NMUR1: variants seen among roughly 807,000 people sequenced by gnomAD.
The protein encoded by NMUR1 is neuromedin U receptor 1.
Under a neutral mutation model 18.8 loss-of-function variants are expected in NMUR1, and 16 were observed. That is an observed-to-expected ratio of 0.85 (90% confidence interval 0.58 to 1.29). The LOEUF is 1.29. Among genes scored for constraint, NMUR1 ranks in the 50% most tolerant of loss-of-function variants. The probability of loss-of-function intolerance (pLI) is 0.00; values close to 1 mark genes in which losing one functional copy is unlikely to be tolerated. For missense variants in NMUR1, 529 were observed against 580.3 expected, an observed-to-expected ratio of 0.91 and a Z score of 0.91; for synonymous variants, 258 against 258.2, an observed-to-expected ratio of 1.00 and a Z score of 0.01.
chr2:231,524,689 A>T lies in NMUR1; in HGVS notation c.*354T>A. The T allele has an allele frequency of 4.2e-6, 1 of 235,498 alleles. No homozygotes were observed. The highest frequency in any genetic ancestry group is 8.6e-5 in the East Asian group (1 of 11,678). 14.6% of individuals were successfully genotyped at this position (235,498 alleles called of 1,614,324 possible). ...TGAACAGGAACTGGGAAGGACAGTG[A>T]GGACCCAGTGGGACCGTTTCAGAAA... On this transcript the variant is annotated 3_prime_UTR_variant, in exon 3 of 3. Transcript: ENST00000305141.
chr2:231,528,823 T>C lies in NMUR1; in HGVS notation c.198A>G (p.Thr66=), dbSNP rs940614045. 2 of 1,614,216 alleles carry C rather than the reference T, an allele frequency of 1.2e-6. No individual in the cohort carries two copies. Among genetic ancestry groups the C allele is most frequent in the Non-Finnish European group, 1.7e-6 (2 of 1,180,038 alleles). ...QTELFMPICA[T]YLLIFVVGAV... is the part of the protein sequence containing the mutation. Reference sequence around the variant, plus strand: ...CGCCCACCACGAAGATCAGCAGGTATGTGGCACAGATGGGCATGAACAGCT... The same window carrying C: ...CGCCCACCACGAAGATCAGCAGGTACGTGGCACAGATGGGCATGAACAGCT... Residue 66 remains threonine (T), a synonymous_variant, in exon 2 of 3, where the codon ACA becomes ACG. Coordinates refer to ENST00000305141, the MANE Select transcript of NMUR1 (RefSeq NM_006056.5).
rs1256035440 is a variant in NMUR1 at position 231,528,813 on chromosome 2, T to A, written c.208A>T (p.Ile70Phe). The A allele has an allele frequency of 1.9e-6, 3 of 1,614,164 alleles. No individual in the cohort carries two copies. In the South Asian group the frequency reaches 3.3e-5, roughly 18 times the overall value. ...TTGCCCACAGCGCCCACCACGAAGA[T>A]CAGCAGGTATGTGGCACAGATGGGC... ...FMPICATYLL[I>F]FVVGAVGNGL... Residue 70 changes from isoleucine to phenylalanine, a missense_variant, in exon 2 of 3, where the codon ATC (isoleucine) becomes TTC (phenylalanine). By Grantham distance (21) the Ile-to-Phe change is conservative. Transcript: ENST00000305141.
At chr2:231,519,215 A>G (rs1258020021), downstream of NMUR1, among the ~76,000 whole-genome samples, 1 of 152,198 alleles carries the variant, frequency 6.6e-6, no homozygotes, top group African/African-American at 2.4e-5. Context: ...TGGATGTTCC[A>G]TAGGATGTGG....
intron 2 of NMUR1, among the ~76,000 whole-genome samples, chr2:231,525,890 T>C (rs980730090): frequency 2.6e-5 from 4 of 151,758 alleles, no homozygotes; most frequent in African/African-American, 9.7e-5. Flanking sequence ...AGACCGGAGG[T>C]CATGGGGCCA....
chr2:231,519,516 A>T (rs1250840476), downstream of NMUR1, among the ~76,000 whole-genome samples: 1 of 152,218 alleles, frequency 6.6e-6, no homozygotes, highest in Non-Finnish European at 1.5e-5. Context: ...ATTTGGAACG[A>T]TGTTGCAGAC....
In NMUR1 at chr2:231,528,414, G is replaced by A. The variant is rs766623480; in HGVS notation, c.607C>T (p.Arg203Trp). 1.1e-5 allele frequency: 18 copies of A among 1,613,558 alleles called. No individual in the cohort carries two copies. In the Admixed American group the frequency reaches 1.3e-4, roughly 12 times the overall value. ...SLPNTSLHGI[R>W]QLHVPCRGPV... ...CCCCGGCAGGGCACGTGCAGCTGCCGGATGCCGTGCAGGCTGGTGTTGGGC... is the reference window on the plus strand; with the variant it reads ...CCCCGGCAGGGCACGTGCAGCTGCCAGATGCCGTGCAGGCTGGTGTTGGGC... The change falls in exon 2 of 3, where the codon CGG (arginine) becomes TGG (tryptophan). Residue 203 changes from arginine (R) to tryptophan (W), a missense_variant. Coordinates refer to ENST00000305141, the MANE Select transcript of NMUR1 (RefSeq NM_006056.5).
rs146805243 is a variant in NMUR1, at chr2:231,528,703, G to A, written c.318C>T (p.Asp106=). The A allele has an allele frequency of 2.1e-4, 342 of 1,614,262 alleles. 3 individuals are homozygous for A. The African/African-American group carries it at 4.0e-3, about 19-fold the overall frequency. Residue 106 remains aspartate, a synonymous_variant, in exon 2 of 3, where the codon GAC becomes GAT. Transcript: ENST00000305141. The part of the protein sequence containing the change: ...NYYLFSLAVS[D]LLVLLVGLPL... ...GCAGGCCCACCAGCAGCACCAGCAG[G>A]TCCGACACGGCCAGGCTGAAGAGGT...
downstream of NMUR1, among the ~76,000 whole-genome samples, chr2:231,522,818 C>T (rs1014842087): frequency 6.6e-6 from 1 of 152,206 alleles, no homozygotes; most frequent in Non-Finnish European, 1.5e-5. Flanking sequence ...CCCCACTCCC[C>T]ACCCCCAGCC....
downstream of NMUR1, among the ~76,000 whole-genome samples, chr2:231,520,293 G>T (rs2047294256): frequency 6.6e-6 from 1 of 152,192 alleles, no homozygotes; most frequent in South Asian, 2.1e-4. Context: ...CTGAGAAAAA[G>T]GGCGGAACCC....
chr2:231,526,614 C>T (rs1432025289), intron 2 of NMUR1, among the ~76,000 whole-genome samples: 1 of 152,206 alleles, frequency 6.6e-6, no homozygotes, highest in Non-Finnish European at 1.5e-5. Flanking sequence ...GGGTCAGCCT[C>T]GTTTCAGGAG....
At position 231,525,421 on chromosome 2, in the gene NMUR1, G is replaced by A. The variant is rs138820733; in HGVS notation, c.903C>T (p.Val301=). 10 of 1,608,290 alleles carry A rather than the reference G, an allele frequency of 6.2e-6. No homozygotes were observed. The African/African-American group carries it at 1.2e-4, about 19-fold the overall frequency. The part of the protein sequence containing the change: ...GRRQVTKMLF[V]LVVVFGICWA... ...AGCAGATGCCAAACACCACGACCAG[G>A]ACAACTGCAGGGACAGAGAAGGGAG... Residue 301 remains valine (V), a synonymous_variant, in exon 3 of 3, where the codon GTC becomes GTT. Coordinates refer to ENST00000305141, the MANE Select transcript of NMUR1 (RefSeq NM_006056.5).
chr2:231,525,016 C>G lies in NMUR1; in HGVS notation c.*27G>C. The G allele has an allele frequency of 6.6e-7, 1 of 1,523,988 alleles. No individual in the cohort carries two copies. The highest frequency in any genetic ancestry group is 2.3e-5 in the East Asian group (1 of 44,204). The allele number at this position is 1,523,988 out of a possible 1,614,324, so 94.4% of individuals were successfully genotyped here. On this transcript the variant is annotated 3_prime_UTR_variant, in exon 3 of 3. Coordinates refer to ENST00000305141, the MANE Select transcript of NMUR1 (RefSeq NM_006056.5). ...AGCTCCAGGTGACCCTCTGGCCCCT[C>G]CAGGTGAAGCCACTTTAAGGCTCCA...
chr2:231,524,082 T>A lies in NMUR1; in HGVS notation c.*961A>T, dbSNP rs2047330112. On this transcript the variant is annotated 3_prime_UTR_variant, in exon 3 of 3. Coordinates refer to ENST00000305141, the MANE Select transcript of NMUR1 (RefSeq NM_006056.5). Reference sequence around the variant, plus strand: ...GTCAGGGAGGAAGTGGGGCTTGGGGTTGATAAAGATGCAGATAATAACTTC... The same window carrying A: ...GTCAGGGAGGAAGTGGGGCTTGGGGATGATAAAGATGCAGATAATAACTTC... 2 of 152,120 alleles carry A rather than the reference T, an allele frequency of 1.3e-5. No homozygotes were observed. Among genetic ancestry groups the A allele is most frequent in the African/African-American group, 4.8e-5 (2 of 41,368 alleles). 9.4% of individuals were successfully genotyped at this position (152,120 alleles called of 1,614,324 possible). A position where few individuals can be genotyped will look rare whatever the true frequency, so the allele number is the denominator to read the frequency against.
At chr2:231,521,973 C>CTCTCT (rs71396675), downstream of NMUR1, among the ~76,000 whole-genome samples, 189 of 83,874 alleles carry the variant, frequency 2.3e-3, no homozygotes, top group African/African-American at 4.3e-3. Context: ...TTTTTTTTCT[C>CTCTCT]TTTTTTTTTT....
At chr2:231,525,722 C>T (rs1186586770) in intron 2 of NMUR1, among the ~76,000 whole-genome samples, 1 of 152,226 alleles carries the variant, frequency 6.6e-6, no homozygotes, top group Non-Finnish European at 1.5e-5. Context: ...TTCTCTCACC[C>T]TGGAATATGA....
In NMUR1 at chr2:231,528,150, C is replaced by G; in HGVS notation, c.871G>C (p.Gly291Arg). 1 of 1,560,480 alleles carries G rather than the reference C, an allele frequency of 6.4e-7. No individual in the cohort carries two copies. The change falls in exon 2 of 3, where the codon GGC becomes CGC. Residue 291 changes from glycine to arginine, a missense_variant. Physicochemically the swap from Gly to Arg is moderately radical, Grantham distance 125. Transcript: ENST00000305141. ...AGCATCTTGGTCACTTGTCTCCGGC[C>G]CCGATCGTGCTGCTGGAGCCTGCAG... ...YTCRLQQHDR[G>R]RRQVTKMLFV...
In NMUR1 at chr2:231,524,156, T is replaced by A. The variant is rs1178733390; in HGVS notation, c.*887A>T. 6.6e-6 allele frequency: 1 copy of A among 152,170 alleles called. No individual in the cohort carries two copies. Among genetic ancestry groups the A allele is most frequent in the Non-Finnish European group, 1.5e-5 (1 of 68,048 alleles). 9.4% of individuals were successfully genotyped at this position (152,170 alleles called of 1,614,324 possible). Reference sequence around the variant, plus strand: ...GTTGGTTTTATTATAAGCAGTGGCTTACACACACACAGAAAGAAAACCATA... The same window carrying A: ...GTTGGTTTTATTATAAGCAGTGGCTAACACACACACAGAAAGAAAACCATA... On this transcript the variant is annotated 3_prime_UTR_variant, in exon 3 of 3. Transcript: ENST00000305141.
At chr2:231,527,474 C>T (rs543563630) in intron 2 of NMUR1, among the ~76,000 whole-genome samples, 75 of 152,144 alleles carry the variant, frequency 4.9e-4, no homozygotes, top group Middle Eastern at 6.8e-3. Flanking sequence ...GAGACCCCGT[C>T]TCTACAAAAA....
chr2:231,525,462 G>A (rs569240994), intron 2 of NMUR1, 37 bp from the exon 3 acceptor site: 130 of 1,567,776 alleles, frequency 8.3e-5, no homozygotes, highest in Middle Eastern at 2.1e-4. Context: ...GTGCCCGCCC[G>A]AGGCCCCTCA....
Sources: gnomAD v4.1 joint callset for allele counts (sites outside exome capture counted in the v4.1 genomes callset) on GRCh38, gnomAD v4.1.1 for gene constraint, MANE v1.5 for transcripts, NCBI Gene and HGNC (gene_info 2026-07-23, HGNC 2026-07-21) for gene names.